The following ZNF814 variants were observed in gnomAD, a reference collection of about 807,000 sequenced individuals.
ZNF814 encodes zinc finger protein 814.
Under a neutral mutation model 7.5 loss-of-function variants are expected in ZNF814, and 5 were observed. That is an observed-to-expected ratio of 0.67 (90% CI 0.35 to 1.40). The LOEUF is 1.40. Ranked by LOEUF, ZNF814 falls within the 40% of genes most tolerant of loss-of-function variation. The pLI is 0.04. For synonymous variants in ZNF814, 315 were observed against 340.7 expected (o/e 0.92, Z 0.83); for missense variants, 962 against 1,018.0 (o/e 0.94, Z 0.75).
At chr19:57,900,839 A>ATTTTTTTTTTTTTTTTGTT in the ZNF814 span, among the ~76,000 whole-genome samples, 1 of 45,782 alleles carries the variant, frequency 2.2e-5, no homozygotes, top group Non-Finnish European at 3.8e-5. Context: ...CCATGGCTGC[A>ATTTTTTTTTTTTTTTTGTT]TTTTTTTTTT....
intron 1 of ZNF814, among the ~76,000 whole-genome samples, chr19:57,882,852 T>A (rs1364569571): frequency 1.3e-5 from 2 of 149,440 alleles, no homozygotes; most frequent in East Asian, 3.9e-4. Flanking sequence ...GCCCAGACAC[T>A]GATGAACATC....
In ZNF814 at chr19:57,873,041, T is replaced by C. The variant is rs1330692034; in HGVS notation, c.2349A>G (p.Glu783=). ...ECSECGKSFA[E]SSSFTKHKRV... The stretch of plus-strand genomic sequence containing the variant: ...TTTTGTGTTTTGTGAAACTGGAGCT[T>C]TCAGCGAAAGATTTTCCACATTCAC... The change falls in exon 3 of 3, where the codon GAA becomes GAG. Residue 783 remains glutamate (E), a synonymous_variant. Transcript: ENST00000435989. The C allele has an allele frequency of 1.1e-5, 17 of 1,613,508 alleles. No homozygotes were observed. Among genetic ancestry groups the C allele is most frequent in the Non-Finnish European group, 1.3e-5 (15 of 1,179,760 alleles).
At chr19:57,876,638 A>G in intron 2 of ZNF814, 1 of 489,494 alleles carries the variant, frequency 2.0e-6, no homozygotes, top group Non-Finnish European at 3.6e-6. Flanking sequence ...AGGAACCTGA[A>G]ATCTGGACAA....
chr19:57,875,865 AAACT>A (rs2071601763), intron 2 of ZNF814, among the ~76,000 whole-genome samples: 1 of 151,780 alleles, frequency 6.6e-6, no homozygotes, highest in African/African-American at 2.4e-5. Context: ...CCTTGCCACA[AAACT>A]ACTACTAAAA....
At chr19:57,893,574 C>T (rs1250633047), upstream of ZNF814, among the ~76,000 whole-genome samples, 6 of 151,312 alleles carry the variant, frequency 4.0e-5, no homozygotes, top group South Asian at 2.1e-4. Context: ...GTCAGGAGTT[C>T]GACAACAGCC....
Position 57,874,814 on chromosome 19 carries a change from G to A in ZNF814, c.576C>T (p.His192=). 6 of 1,614,112 alleles carry A rather than the reference G, an allele frequency of 3.7e-6. No individual in the cohort carries two copies. The highest frequency in any genetic ancestry group is 5.1e-6 in the Non-Finnish European group (6 of 1,179,994). The change falls in exon 3 of 3, where the codon CAC becomes CAT. Residue 192 remains histidine, a synonymous_variant. Transcript: ENST00000435989. ...RSGLLQQEAS[H]TGEKSNSKTE... is the part of the protein sequence containing the mutation. Reference sequence around the variant, plus strand: ...TTTTGCTGTTTGACTTCTCCCCAGTGTGACTGGCCTCCTGCTGGAGTAATC... The same window carrying A: ...TTTTGCTGTTTGACTTCTCCCCAGTATGACTGGCCTCCTGCTGGAGTAATC...
the ZNF814 span, among the ~76,000 whole-genome samples, chr19:57,904,228 C>T: frequency 6.6e-6 from 1 of 152,206 alleles, no homozygotes; most frequent in African/African-American, 2.4e-5. Flanking sequence ...GCTTGATGCA[C>T]CGCTTTCTAC....
intron 2 of ZNF814, among the ~76,000 whole-genome samples, chr19:57,875,674 T>C (rs1382232512): frequency 1.3e-5 from 2 of 152,144 alleles, no homozygotes; most frequent in Non-Finnish European, 2.9e-5. Flanking sequence ...TGGTGACGTA[T>C]GTAAATGGAT....
intron 1 of ZNF814, among the ~76,000 whole-genome samples, chr19:57,884,369 T>C (rs1274133202): frequency 6.6e-6 from 1 of 152,116 alleles, no homozygotes; most frequent in Admixed American, 6.6e-5. Context: ...TCATAGCAGT[T>C]TGGGAGACTG....
chr19:57,888,944 G>A lies in ZNF814; in HGVS notation c.-142C>T, dbSNP rs533817254. ...CCAGAGTAGCCTCTGTGCAGCGGAG[G>A]ACAACTGCTCCCCGACTTCTGGGTT... is the stretch of plus-strand genomic sequence containing the variant. On this transcript the variant is annotated 5_prime_UTR_variant, in exon 1 of 3. Coordinates refer to ENST00000435989, the MANE Select transcript of ZNF814 (RefSeq NM_001144989.2). The A allele has an allele frequency of 2.0e-5, 17 of 866,450 alleles. No individual in the cohort carries two copies. The highest frequency in any genetic ancestry group is 1.7e-4 in the African/African-American group (10 of 58,906). 53.7% of individuals were successfully genotyped at this position (866,450 alleles called of 1,614,324 possible).
chr19:57,889,096 C>T (rs971488091), upstream of ZNF814: 2 of 481,980 alleles, frequency 4.1e-6, no homozygotes, highest in African/African-American at 1.9e-5. Context: ...ACAGGAAACG[C>T]CTTTATTCTG....
chr19:57,890,255 A>G (rs900533275), upstream of ZNF814, among the ~76,000 whole-genome samples: 3 of 151,804 alleles, frequency 2.0e-5, no homozygotes, highest in African/African-American at 7.3e-5. Context: ...AGTTTTATTC[A>G]CACAGAGTTG....
At position 57,873,288 on chromosome 19, in the gene ZNF814, G is replaced by C. The variant is rs759377197; in HGVS notation, c.2102C>G (p.Ser701Cys). 2 of 1,593,314 alleles carry C rather than the reference G, an allele frequency of 1.3e-6. No homozygotes were observed. The highest frequency in any genetic ancestry group is 1.7e-6 in the Non-Finnish European group (2 of 1,169,350). The change falls in exon 3 of 3, where the codon TCT (serine) becomes TGT (cysteine). Residue 701 changes from serine (S) to cysteine (C), a missense_variant. Coordinates refer to ENST00000435989, the MANE Select transcript of ZNF814 (RefSeq NM_001144989.2). The part of the protein sequence containing the change: ...RECGKLFKKK[S>C]HLLVHQRIHN... ...AATTCTCTGGTGTACAAGGAGGTGA[G>C]ACTTCTTCTTAAATAATTTTCCACA... is the stretch of plus-strand genomic sequence containing the variant.
At chr19:57,877,098 A>G (rs1421592766) in intron 1 of ZNF814, 56 bp from the exon 2 acceptor site, 5 of 1,601,386 alleles carry the variant, frequency 3.1e-6, no homozygotes, top group South Asian at 2.2e-5. Context: ...AGGTATCACA[A>G]TCCATCTCTC....
At chr19:57,892,086 T>C (rs1417572897), upstream of ZNF814, among the ~76,000 whole-genome samples, 1 of 152,204 alleles carries the variant, frequency 6.6e-6, no homozygotes, top group East Asian at 1.9e-4. Flanking sequence ...ATTTGATTGA[T>C]GTCTCTTGCC....
chr19:57,871,789 C>T lies in ZNF814; in HGVS notation c.*1033G>A, dbSNP rs1186602787. ...AGCTACTCAACAAATCCTTCTGTGA[C>T]TCGATCAGAAATTAAAAGTTAAAAA... On this transcript the variant is annotated 3_prime_UTR_variant, in exon 3 of 3. Transcript: ENST00000435989. 6.9e-6 allele frequency: 1 copy of T among 145,118 alleles called. No individual in the cohort carries two copies. The highest frequency in any genetic ancestry group is 1.5e-5 in the Non-Finnish European group (1 of 67,268). 9.0% of individuals were successfully genotyped at this position (145,118 alleles called of 1,614,324 possible).
intron 1 of ZNF814, among the ~76,000 whole-genome samples, chr19:57,884,379 G>A (rs1207821967): frequency 6.6e-6 from 1 of 152,160 alleles, no homozygotes; most frequent in African/African-American, 2.4e-5. Flanking sequence ...TTGGGAGACT[G>A]AGGCAGAAAG....
At position 57,873,898 on chromosome 19, in the gene ZNF814, C is replaced by T; in HGVS notation, c.1492G>A (p.Gly498Arg). The T allele has an allele frequency of 1.2e-6, 2 of 1,613,740 alleles. No individual in the cohort carries two copies. The highest frequency in any genetic ancestry group is 3.3e-5 in the Admixed American group (2 of 60,000). ...GERPYQCGECGKSFSQKGNLV... is the reference protein window; with the variant it reads ...GERPYQCGECRKSFSQKGNLV... ...TTGCCCTTTTGACTGAAAGATTTCC[C>T]ACATTCTCCACACTGATAAGGTCTT... Residue 498 changes from glycine (G) to arginine (R), a missense_variant, in exon 3 of 3, where the codon GGG becomes AGG. Transcript: ENST00000435989.
chr19:57,869,489 A>T lies in ZNF814; in HGVS notation c.*3333T>A, dbSNP rs778033217. 1 of 152,124 alleles carries T rather than the reference A, an allele frequency of 6.6e-6. No individual in the cohort carries two copies. Among genetic ancestry groups the T allele is most frequent in the Non-Finnish European group, 1.5e-5 (1 of 68,036 alleles). The allele number at this position is 152,124 out of a possible 1,614,324, so 9.4% of individuals were successfully genotyped here. A position where few individuals can be genotyped will look rare whatever the true frequency, so the allele number is the denominator to read the frequency against. ...TTGGTTGTCTGGAGAACAGAAAGAA[A>T]GCCTTTATAAAAAGGTTCCAAGTAA... is the stretch of plus-strand genomic sequence containing the variant. On this transcript the variant is annotated 3_prime_UTR_variant, in exon 3 of 3. Transcript: ENST00000435989.
Sources: gnomAD v4.1 joint callset for allele counts (sites outside exome capture counted in the v4.1 genomes callset) on GRCh38, gnomAD v4.1.1 for gene constraint, MANE v1.5 for transcripts, NCBI Gene and HGNC (gene_info 2026-07-23, HGNC 2026-07-21) for gene names.